Variants in RASA3 observed in about 807,000 individuals in gnomAD.
RASA3 encodes the protein RAS p21 protein activator 3.
In RASA3, 73 loss-of-function variants were observed where a neutral mutation model predicts 110.0. The observed-to-expected ratio is 0.66, with a 90% CI of 0.55 to 0.81. The LOEUF (loss-of-function observed/expected upper bound fraction) is 0.81. Among genes scored for constraint, RASA3 ranks in the 30% least tolerant of loss-of-function variants. The pLI is 0.00. For synonymous variants in RASA3, 500 were observed against 451.4 expected (o/e 1.11, Z -1.37); for missense variants, 976 against 1,113.2 (o/e 0.88, Z 1.75).
intron 4 of RASA3, among the ~76,000 whole-genome samples, chr13:114,038,209 G>A (rs2054318069): frequency 6.6e-6 from 1 of 152,256 alleles, no homozygotes; most frequent in Non-Finnish European, 1.5e-5. Context: ...CCCAGCGACG[G>A]CGGGTATCCC....
At chr13:114,015,667 T>C (rs1317991729) in intron 13 of RASA3, among the ~76,000 whole-genome samples, 1 of 152,258 alleles carries the variant, frequency 6.6e-6, no homozygotes, top group East Asian at 1.9e-4. Flanking sequence ...CAGCACGCTC[T>C]GCAAGAAGTA....
chr13:114,131,457 C>G (rs1241367400), intron 1 of RASA3, among the ~76,000 whole-genome samples: 1 of 152,206 alleles, frequency 6.6e-6, no homozygotes, highest in Non-Finnish European at 1.5e-5. Flanking sequence ...CCACATCACT[C>G]TCCCAAGATA....
rs1214860646 is a variant in RASA3, at chr13:113,996,755, G to T, written c.1933-16C>A. 7.5e-6 allele frequency: 12 copies of T among 1,607,378 alleles called. No individual in the cohort carries two copies. The highest frequency in any genetic ancestry group is 1.0e-5 in the Non-Finnish European group (12 of 1,174,652). ...CCTGGAACATCTGAGGACACAGGTG[G>T]GCTCAGGACAGCGCACATGAGGTCT... On this transcript the variant is annotated splice_polypyrimidine_tract_variant and intron_variant, in intron 20 of 23. Coordinates refer to ENST00000334062, the MANE Select transcript of RASA3 (RefSeq NM_007368.4).
intron 3 of RASA3, among the ~76,000 whole-genome samples, chr13:114,041,504 G>A (rs994201324): frequency 1.3e-5 from 2 of 152,258 alleles, no homozygotes; most frequent in African/African-American, 4.8e-5. Flanking sequence ...CACTTTCACT[G>A]TGGTCCGTGG....
intron 2 of RASA3, among the ~76,000 whole-genome samples, chr13:114,060,079 G>A (rs531145937): frequency 4.3e-4 from 66 of 152,360 alleles, no homozygotes; most frequent in Non-Finnish European, 1.8e-4. Context: ...GGCCATGGAC[G>A]GCGCGGAGAG....
At chr13:114,077,099 G>A (rs1417909703) in intron 1 of RASA3, among the ~76,000 whole-genome samples, 2 of 152,352 alleles carry the variant, frequency 1.3e-5, no homozygotes, top group East Asian at 3.9e-4. Flanking sequence ...GATGGTGTTT[G>A]TGGATAATAC....
chr13:114,089,318 G>A lies in RASA3; in HGVS notation c.56-15481C>T, dbSNP rs2079862004. On this transcript the variant is annotated intron_variant, in intron 1 of 23. Coordinates refer to ENST00000334062, the MANE Select transcript of RASA3 (RefSeq NM_007368.4). Reference sequence around the variant, plus strand: ...GGGAGGAGGGGGGGAGGAGGGGGGAGGGGGAAGGGGAAAGCTGCAGAGAAT... The same window carrying A: ...GGGAGGAGGGGGGGAGGAGGGGGGAAGGGGAAGGGGAAAGCTGCAGAGAAT... 2.7e-5 allele frequency among the ~76,000 whole-genome samples: 4 copies of A among 147,132 alleles called. No individual in the cohort carries two copies. In the South Asian group the frequency reaches 8.9e-4, roughly 33 times the overall value.
intron 2 of RASA3, among the ~76,000 whole-genome samples, chr13:114,054,413 G>A (rs1015373015): frequency 2.0e-5 from 3 of 150,060 alleles, no homozygotes; most frequent in African/African-American, 4.8e-5. Flanking sequence ...CCAAACCTGG[G>A]GCGGGCGACT....
At chr13:114,074,254 C>G (rs1488677539) in intron 1 of RASA3, among the ~76,000 whole-genome samples, 1 of 152,220 alleles carries the variant, frequency 6.6e-6, no homozygotes, top group Non-Finnish European at 1.5e-5. Context: ...CAAACGGAGA[C>G]TCGGTCCCCA....
rs118098542 is a variant in RASA3 at position 114,040,208 on chromosome 13, C to T, written c.372+792G>A. Among the ~76,000 whole-genome samples, 850 of 152,256 alleles carry T rather than the reference C, an allele frequency of 5.6e-3. 24 individuals are homozygous for T. Among genetic ancestry groups the T allele is most frequent in the East Asian group, 0.055 (285 of 5,154 alleles). On this transcript the variant is annotated intron_variant, in intron 4 of 23. Transcript: ENST00000334062. ...CAGGCTCACTCCGAGCACAAGTGGG[C>T]GAACAGACACAATGCAAAATCCATG...
intron 4 of RASA3, among the ~76,000 whole-genome samples, chr13:114,037,294 G>A (rs1043606241): frequency 8.5e-5 from 13 of 152,198 alleles, no homozygotes; most frequent in African/African-American, 3.1e-4. Flanking sequence ...GCAGGTGACT[G>A]GAGCAACAGC....
chr13:114,012,720 A>AC (rs2053665306), intron 15 of RASA3, among the ~76,000 whole-genome samples: 1 of 128,310 alleles, frequency 7.8e-6, no homozygotes, highest in African/African-American at 3.1e-5. Context: ...CACACTCCCC[A>AC]TTCCACACAC....
Position 113,999,582 on chromosome 13 carries a change from C to CA in RASA3, c.1932+2dup. 3 of 1,613,340 alleles carry CA rather than the reference C, an allele frequency of 1.9e-6. No homozygotes were observed. Among genetic ancestry groups the CA allele is most frequent in the Non-Finnish European group, 2.5e-6 (3 of 1,179,772 alleles). ...AAGAGAGGCTTGGGGGCCCCACACT[C>CA]ACGTTTTTCATTTTGAAAGACTCCT... is the stretch of plus-strand genomic sequence containing the variant. On this transcript the variant is annotated splice_region_variant and intron_variant, in intron 20 of 23. Coordinates refer to ENST00000334062, the MANE Select transcript of RASA3 (RefSeq NM_007368.4).
intron 2 of RASA3, among the ~76,000 whole-genome samples, chr13:114,055,269 G>C (rs377677871): frequency 6.6e-6 from 1 of 152,248 alleles, no homozygotes; most frequent in African/African-American, 2.4e-5. Context: ...GAGCACTTGG[G>C]TGCACATGTA....
chr13:114,010,954 C>A (rs904948613), intron 16 of RASA3, among the ~76,000 whole-genome samples: 1 of 152,016 alleles, frequency 6.6e-6, no homozygotes, highest in Non-Finnish European at 1.5e-5. Context: ...GAGCCACAGG[C>A]TCCCGAAAAA....
At chr13:114,020,744 C>T (rs2053908737) in intron 9 of RASA3, among the ~76,000 whole-genome samples, 1 of 152,226 alleles carries the variant, frequency 6.6e-6, no homozygotes, top group Admixed American at 6.5e-5. Context: ...CACAACATGT[C>T]CTGGGGTGGG....
intron 22 of RASA3, among the ~76,000 whole-genome samples, chr13:113,991,044 G>A (rs1488632893): frequency 7.1e-6 from 1 of 141,482 alleles, no homozygotes; most frequent in Admixed American, 7.0e-5. Context: ...CAGATGGGCA[G>A]CTGTGCGGAC....
At chr13:114,045,627 G>A (rs941435433) in intron 3 of RASA3, among the ~76,000 whole-genome samples, 1 of 152,066 alleles carries the variant, frequency 6.6e-6, no homozygotes, top group Non-Finnish European at 1.5e-5. Context: ...TTCATAGAAT[G>A]TACAAAAAAA....
intron 2 of RASA3, among the ~76,000 whole-genome samples, chr13:114,062,653 C>A (rs181189844): frequency 6.7e-6 from 1 of 150,082 alleles, no homozygotes; most frequent in Non-Finnish European, 1.5e-5. Flanking sequence ...GACTCGGACA[C>A]GCGTGCTCAC....
Sources: gnomAD v4.1 joint callset for allele counts (sites outside exome capture counted in the v4.1 genomes callset) on GRCh38, gnomAD v4.1.1 for gene constraint, MANE v1.5 for transcripts, NCBI Gene and HGNC (gene_info 2026-07-23, HGNC 2026-07-21) for gene names.